Variants in FAT3 observed in about 807,000 individuals in gnomAD.
The protein encoded by FAT3 is FAT atypical cadherin 3, also known as protocadherin Fat 3.
In FAT3, 95 loss-of-function variants were observed where a neutral mutation model predicts 310.2. The ratio of observed to expected loss-of-function variants is 0.31; its 90% CI spans 0.26 to 0.36. The LOEUF is 0.36. Ranked by LOEUF, FAT3 falls within the 10% of genes least tolerant of loss-of-function variation. The pLI is 1.00. For synonymous variants in FAT3, 2,314 were observed against 2,192.9 expected (o/e 1.06, Z -1.54); for missense variants, 5,408 against 5,715.6 (o/e 0.95, Z 1.74).
chr11:92,700,758 A>G (rs1261557713), intron 4 of FAT3, among the ~76,000 whole-genome samples: 2 of 152,118 alleles, frequency 1.3e-5, no homozygotes, highest in Non-Finnish European at 2.9e-5. Flanking sequence ...TTCAGAAACC[A>G]GTTCAATATC....
chr11:92,298,265 C>G (rs1946900918), intron 1 of FAT3, among the ~76,000 whole-genome samples: 1 of 151,996 alleles, frequency 6.6e-6, no homozygotes, highest in South Asian at 2.1e-4. Flanking sequence ...GGTTTTCTGT[C>G]TTGGAGAGAT....
chr11:92,549,107 C>T (rs2135431822), intron 3 of FAT3, among the ~76,000 whole-genome samples: 2 of 152,262 alleles, frequency 1.3e-5, no homozygotes, highest in Middle Eastern at 6.8e-3. Flanking sequence ...TTCTGGGTGC[C>T]AAATGGTTCT....
At chr11:92,675,317 G>C (rs902963732) in intron 3 of FAT3, among the ~76,000 whole-genome samples, 1 of 152,180 alleles carries the variant, frequency 6.6e-6, no homozygotes, top group African/African-American at 2.4e-5. Flanking sequence ...TCTGTTCTTT[G>C]CAACTATATA....
Position 92,843,981 on chromosome 11 carries a change from C to T in FAT3, c.10614C>T (p.Arg3538=), listed in dbSNP as rs564272053. The change falls in exon 19 of 28, where the codon CGC becomes CGT. Residue 3538 remains arginine (R), a synonymous_variant. Coordinates refer to ENST00000525166, the MANE Select transcript of FAT3 (RefSeq NM_001367949.2). ...KPQQVSHTYI[R]VRVIEESTHK... ...AGCAAGTTTCTCACACTTACATCCG[C>T]GTGCGAGTCATTGAGGAAAGCACCC... 18 of 1,613,516 alleles carry T rather than the reference C, an allele frequency of 1.1e-5. No homozygotes were observed. The African/African-American group carries it at 1.2e-4, about 11-fold the overall frequency.
At chr11:92,240,485 C>T (rs900451344) in intron 1 of FAT3, among the ~76,000 whole-genome samples, 1 of 150,750 alleles carries the variant, frequency 6.6e-6, no homozygotes, top group Admixed American at 6.6e-5. Flanking sequence ...TGCATTCTTC[C>T]ATGGTAGAGG....
At chr11:92,565,749 A>T (rs1207231780) in intron 3 of FAT3, among the ~76,000 whole-genome samples, 1 of 152,022 alleles carries the variant, frequency 6.6e-6, no homozygotes, top group Non-Finnish European at 1.5e-5. Flanking sequence ...AAATCAATAA[A>T]TGTAATCCAG....
At chr11:92,836,397 A>T (rs575248897) in intron 15 of FAT3, among the ~76,000 whole-genome samples, 169 bp from the exon 16 acceptor site, 43 of 152,268 alleles carry the variant, frequency 2.8e-4, no homozygotes, top group Non-Finnish European at 5.6e-4. Flanking sequence ...ACCCTCCTTC[A>T]GCTGATTAAT....
At chr11:92,343,143 A>G (rs892982812) in intron 1 of FAT3, among the ~76,000 whole-genome samples, 2 of 152,172 alleles carry the variant, frequency 1.3e-5, no homozygotes, top group African/African-American at 4.8e-5. Flanking sequence ...CTCAGAATCA[A>G]CTTGAATTAC....
chr11:92,345,893 A>G (rs1160589632), intron 1 of FAT3, among the ~76,000 whole-genome samples: 1 of 152,182 alleles, frequency 6.6e-6, no homozygotes, highest in Non-Finnish European at 1.5e-5. Context: ...AGATAAGCTT[A>G]TGATCCCTTT....
chr11:92,355,054 G>A lies in FAT3; in HGVS notation c.2942G>A (p.Gly981Glu), dbSNP rs1316800589. 3 of 1,613,734 alleles carry A rather than the reference G, an allele frequency of 1.9e-6. No individual in the cohort carries two copies. In the South Asian group the frequency reaches 3.3e-5, roughly 18 times the overall value. Residue 981 changes from glycine (G) to glutamate (E), a missense_variant, in exon 2 of 28, where the codon GGG becomes GAG. By Grantham distance (98) the Gly-to-Glu change is moderately conservative. Transcript: ENST00000525166. Reference protein sequence around the residue: ...VRYSLVNDYNGRFEIDKASGA... With the variant: ...VRYSLVNDYNERFEIDKASGA... ...TATTCTTTGGTCAATGACTATAATG[G>A]GAGATTTGAAATAGATAAAGCAAGT... is the stretch of plus-strand genomic sequence containing the variant.
intron 3 of FAT3, among the ~76,000 whole-genome samples, chr11:92,561,857 C>G (rs1726799030): frequency 6.6e-6 from 1 of 152,042 alleles, no homozygotes; most frequent in African/African-American, 2.4e-5. Flanking sequence ...AACACCTGGC[C>G]TCAAGTGATC....
At chr11:92,486,726 A>G (rs1003792992) in intron 2 of FAT3, among the ~76,000 whole-genome samples, 1 of 152,114 alleles carries the variant, frequency 6.6e-6, no homozygotes, top group South Asian at 2.1e-4. Context: ...CTGGCTTTGC[A>G]TGGCTAAAAG....
intron 2 of FAT3, among the ~76,000 whole-genome samples, chr11:92,455,092 T>C (rs1354559556): frequency 6.6e-6 from 1 of 152,162 alleles, no homozygotes; most frequent in Non-Finnish European, 1.5e-5. Flanking sequence ...GAAATCAGGA[T>C]AGTAAGGCTG....
At chr11:92,308,636 A>T (rs1947203717) in intron 1 of FAT3, among the ~76,000 whole-genome samples, 1 of 152,180 alleles carries the variant, frequency 6.6e-6, no homozygotes, top group Non-Finnish European at 1.5e-5. Flanking sequence ...GCCCCTTGTG[A>T]GTTAAGCCCA....
Position 92,225,123 on chromosome 11 carries a change from A to C in FAT3, c.-69A>C, listed in dbSNP as rs1276224506. 6.6e-6 allele frequency among the ~76,000 whole-genome samples: 1 copy of C among 152,128 alleles called. No homozygotes were observed. Among genetic ancestry groups the C allele is most frequent in the Non-Finnish European group, 1.5e-5 (1 of 68,014 alleles). Reference sequence around the variant, plus strand: ...AAGAGCGCCGAGCACCGGGTGAAGAAGACCACGGGGGAGGCGCCTCGTAGA... The same window carrying C: ...AAGAGCGCCGAGCACCGGGTGAAGACGACCACGGGGGAGGCGCCTCGTAGA... On this transcript the variant is annotated 5_prime_UTR_variant, in exon 1 of 28. Transcript: ENST00000525166.
rs1376567381 is a variant in FAT3 at position 92,809,907 on chromosome 11, G to A, written c.9312G>A (p.Lys3104=). The A allele has an allele frequency of 6.2e-7, 1 of 1,613,910 alleles. No individual in the cohort carries two copies. Among genetic ancestry groups the A allele is most frequent in the South Asian group, 1.1e-5 (1 of 91,090 alleles). ...ERIPVYSLMA[K]ATDGGGRFCQ... is the part of the protein sequence containing the mutation. ...TCCCCGTGTACAGCCTGATGGCCAAGGCCACTGACGGGGGTGGCAGGTTCT... is the reference window on the plus strand; with the variant it reads ...TCCCCGTGTACAGCCTGATGGCCAAAGCCACTGACGGGGGTGGCAGGTTCT... The change falls in exon 13 of 28, where the codon AAG becomes AAA. Residue 3104 remains lysine (K), a synonymous_variant. Transcript: ENST00000525166.
chr11:92,621,600 A>G (rs900095629), intron 3 of FAT3, among the ~76,000 whole-genome samples: 1 of 152,218 alleles, frequency 6.6e-6, no homozygotes, highest in Admixed American at 6.5e-5. Flanking sequence ...TAGGTTCCAC[A>G]GCACATGCAG....
At chr11:92,314,837 A>G (rs561882888) in intron 1 of FAT3, among the ~76,000 whole-genome samples, 1 of 152,282 alleles carries the variant, frequency 6.6e-6, no homozygotes, top group South Asian at 2.1e-4. Context: ...CTCCTTCACT[A>G]GAACTTTTCC....
At chr11:92,432,406 G>A (rs1183987198) in intron 2 of FAT3, among the ~76,000 whole-genome samples, 1 of 152,170 alleles carries the variant, frequency 6.6e-6, no homozygotes, top group Non-Finnish European at 1.5e-5. Flanking sequence ...AGACGATGGA[G>A]TTTTCTAGGT....
Sources: gnomAD v4.1 joint callset for allele counts (sites outside exome capture counted in the v4.1 genomes callset) on GRCh38, gnomAD v4.1.1 for gene constraint, MANE v1.5 for transcripts, NCBI Gene and HGNC (gene_info 2026-07-23, HGNC 2026-07-21) for gene names.